JAKMIP3: variants seen among roughly 807,000 people sequenced by gnomAD.
The protein encoded by JAKMIP3 is Janus kinase and microtubule interacting protein 3.
Under a neutral mutation model 118.5 loss-of-function variants are expected in JAKMIP3, and 58 were observed. That is an observed-to-expected ratio of 0.49 (90% CI 0.40 to 0.61). JAKMIP3 has a LOEUF of 0.61. Ranked by LOEUF, JAKMIP3 falls within the 20% of genes least tolerant of loss-of-function variation. The pLI is 0.00. For missense variants in JAKMIP3, 950 were observed against 1,109.0 expected (o/e 0.86, Z 2.04); for synonymous variants, 486 against 451.2 (o/e 1.08, Z -0.98).
chr10:132,120,601 A>G (rs2048384735), intron 3 of JAKMIP3, among the ~76,000 whole-genome samples: 1 of 152,362 alleles, frequency 6.6e-6, no homozygotes, highest in Admixed American at 6.5e-5. Context: ...CCATATCACA[A>G]GAGGTGCCCT....
At chr10:132,087,934 A>G (rs907427507) in intron 1 of JAKMIP3, among the ~76,000 whole-genome samples, 5 of 151,462 alleles carry the variant, frequency 3.3e-5, no homozygotes, top group Non-Finnish European at 7.4e-5. Context: ...TTCAATTCCC[A>G]CCTATGAGTG....
At position 132,096,835 on chromosome 10, in the gene JAKMIP3, C is replaced by T. The variant is rs562737535; in HGVS notation, c.-137-7837C>T. Among the ~76,000 whole-genome samples, 3 of 152,310 alleles carry T rather than the reference C, an allele frequency of 2.0e-5. No homozygotes were observed. In the East Asian group the frequency reaches 5.8e-4, roughly 29 times the overall value. ...CCCAGGAATGACGCCATGGCAGGGT[C>T]CCTGGGTTTTCTTTTTGCCTGGGAT... On this transcript the variant is annotated intron_variant, in intron 1 of 23. Coordinates refer to ENST00000684848, the MANE Select transcript of JAKMIP3 (RefSeq NM_001323087.2).
intron 4 of JAKMIP3, 132 bp downstream of exon 4, chr10:132,133,659 C>T: frequency 1.3e-6 from 1 of 776,494 alleles, no homozygotes; most frequent in Non-Finnish European, 2.1e-6. Flanking sequence ...CCTGCCTGGG[C>T]ACCTCCCCAC....
At chr10:132,110,000 T>C (rs1346203355) in intron 2 of JAKMIP3, among the ~76,000 whole-genome samples, 1 of 152,204 alleles carries the variant, frequency 6.6e-6, no homozygotes, top group East Asian at 1.9e-4. Flanking sequence ...CAGGACAGGA[T>C]TCTGTAACTA....
At chr10:132,058,522 C>G (rs2038307370) in intron 1 of JAKMIP3, among the ~76,000 whole-genome samples, 1 of 152,234 alleles carries the variant, frequency 6.6e-6, no homozygotes, top group East Asian at 1.9e-4. Context: ...TGCTGCGGAG[C>G]AGAGAACCCT....
At chr10:132,107,712 T>C (rs2046132045) in intron 2 of JAKMIP3, among the ~76,000 whole-genome samples, 1 of 152,196 alleles carries the variant, frequency 6.6e-6, no homozygotes, top group South Asian at 2.1e-4. Context: ...CAGTTCCACG[T>C]GGAACAGTGC....
chr10:132,112,257 G>T lies in JAKMIP3; in HGVS notation c.136-4820G>T, dbSNP rs897454892. Among the ~76,000 whole-genome samples, 1 of 151,946 alleles carries T rather than the reference G, an allele frequency of 6.6e-6. No individual in the cohort carries two copies. Among genetic ancestry groups the T allele is most frequent in the South Asian group, 2.1e-4 (1 of 4,828 alleles). ...GGTGAGCACAGGTGCCTGCTGTCCC[G>T]CGGGGCACACGGGCCTCAGGTGTGG... On this transcript the variant is annotated intron_variant, in intron 2 of 23. Transcript: ENST00000684848. The surrounding 1 kb of genome is among the most constrained non-coding windows in gnomAD (Gnocchi z 4.3).
chr10:132,127,371 C>A (rs1027557246), intron 3 of JAKMIP3, among the ~76,000 whole-genome samples: 1 of 150,218 alleles, frequency 6.7e-6, no homozygotes, highest in Non-Finnish European at 1.5e-5. Flanking sequence ...TACAGGTGTG[C>A]GCCACCATGC....
intron 1 of JAKMIP3, among the ~76,000 whole-genome samples, chr10:132,091,182 G>T (rs1419722003): frequency 6.6e-6 from 1 of 152,186 alleles, no homozygotes; most frequent in Non-Finnish European, 1.5e-5. Flanking sequence ...ATTTGCTGAG[G>T]AGTGCTTTAC....
chr10:132,082,103 C>T (rs1003265144), intron 1 of JAKMIP3, among the ~76,000 whole-genome samples: 2 of 150,634 alleles, frequency 1.3e-5, no homozygotes, highest in Admixed American at 6.6e-5. Context: ...TATTATTTTG[C>T]TTCCCATTGA....
In JAKMIP3 at chr10:132,104,774, ACCCCTGGGCATC is replaced by A; in HGVS notation, c.-27_-16del. On this transcript the variant is annotated 5_prime_UTR_variant, in exon 2 of 24. Transcript: ENST00000684848. ...CAGCCCAGCCCAGCCGGAGCACCCT[ACCCCTGGGCATC>A]CCCCTGGCCATCCAGCCTCACCATG... 6.5e-7 allele frequency: 1 copy of A among 1,544,074 alleles called. No individual in the cohort carries two copies.
Position 132,163,336 on chromosome 10 carries a change from A to G in JAKMIP3, c.2348A>G (p.Gln783Arg). ...LKVAVEQWKR[Q>R]VMSELRERDA... ...GTGGCCGTGGAGCAGTGGAAGCGCC[A>G]GGTCATGAGTGAGCTGCGCGAGCGG... is the stretch of plus-strand genomic sequence containing the variant. The change falls in exon 20 of 24, where the codon CAG (glutamine) becomes CGG (arginine). Residue 783 changes from glutamine (Q) to arginine (R), a missense_variant. Physicochemically the swap from Gln to Arg is conservative, Grantham distance 43. Coordinates refer to ENST00000684848, the MANE Select transcript of JAKMIP3 (RefSeq NM_001323087.2). 1.2e-6 allele frequency: 2 copies of G among 1,609,944 alleles called. No individual in the cohort carries two copies. The highest frequency in any genetic ancestry group is 8.5e-7 in the Non-Finnish European group (1 of 1,179,460).
In JAKMIP3 at chr10:132,180,760, C is replaced by CGTGTGTGCGTGCGT. The variant is rs2061255860; in HGVS notation, c.*1104-1590_*1104-1589insCGTGCGTGTGTGTG. Among the ~76,000 whole-genome samples, 93 of 14,732 alleles carry CGTGTGTGCGTGCGT rather than the reference C, an allele frequency of 6.3e-3. 21 individuals are homozygous for CGTGTGTGCGTGCGT. The highest frequency in any genetic ancestry group is 0.038 in the African/African-American group (91 of 2,404). The allele number at this position is 14,732 out of a possible 152,430, so 9.7% of individuals were successfully genotyped here. Reference sequence around the variant, plus strand: ...GTGCGTGCGTGCGCGCGCGTGTGTGCGTGTGTGTGCGTGTGTGTGTGTGCG... The same window carrying CGTGTGTGCGTGCGT: ...GTGCGTGCGTGCGCGCGCGTGTGTGCGTGTGTGCGTGCGTGTGTGTGTGCGTGTGTGTGTGTGCG... On this transcript the variant is annotated intron_variant, in intron 23 of 23. Coordinates refer to ENST00000684848, the MANE Select transcript of JAKMIP3 (RefSeq NM_001323087.2).
intron 2 of JAKMIP3, among the ~76,000 whole-genome samples, chr10:132,107,373 G>GGGCTCCCCAGGTGCC (rs1269655321): frequency 5.9e-5 from 9 of 152,196 alleles, no homozygotes; most frequent in African/African-American, 1.9e-4. Flanking sequence ...CCAGGCTTGC[G>GGGCTCCCCAGGTGCC]GGCTCCCCAG....
chr10:132,157,224 C>T lies in JAKMIP3; in HGVS notation c.2220+3234C>T, dbSNP rs149773640. Among the ~76,000 whole-genome samples the T allele has an allele frequency of 2.1e-3, 315 of 152,226 alleles. 1 individual carries two copies. Among genetic ancestry groups the T allele is most frequent in the African/African-American group, 5.1e-3 (212 of 41,540 alleles). ...GGTTCTCTTCTCCTTCTCTGAAGTG[C>T]GGGGTGTAACCACATGTGTGCGCAC... On this transcript the variant is annotated intron_variant, in intron 19 of 23. Coordinates refer to ENST00000684848, the MANE Select transcript of JAKMIP3 (RefSeq NM_001323087.2).
chr10:132,073,704 C>T (rs535629056), intron 1 of JAKMIP3, among the ~76,000 whole-genome samples: 2 of 152,146 alleles, frequency 1.3e-5, no homozygotes, highest in South Asian at 2.1e-4. Flanking sequence ...TACCCCATTG[C>T]CCAGGCTGGT....
intron 1 of JAKMIP3, among the ~76,000 whole-genome samples, chr10:132,047,920 G>A (rs1433084213): frequency 6.6e-6 from 1 of 152,306 alleles, no homozygotes; most frequent in Middle Eastern, 3.4e-3. Flanking sequence ...TGGGGTGCGC[G>A]GAGCTGTGTG....
At chr10:132,045,976 G>A (rs886359415) in intron 1 of JAKMIP3, among the ~76,000 whole-genome samples, 9 of 151,128 alleles carry the variant, frequency 6.0e-5, no homozygotes, top group Admixed American at 4.0e-4. Context: ...TTCAGTTTAA[G>A]GTAAAATTTA....
intron 1 of JAKMIP3, among the ~76,000 whole-genome samples, chr10:132,056,050 A>T (rs185118476): frequency 6.6e-5 from 10 of 152,242 alleles, no homozygotes; most frequent in Admixed American, 2.0e-4. Flanking sequence ...GCCCTTGCCC[A>T]TCCATTTCCA....
Sources: allele counts gnomAD v4.1 joint callset (sites outside exome capture counted in the v4.1 genomes callset), GRCh38; gene constraint gnomAD v4.1.1; non-coding constraint Gnocchi (gnomAD v3.1); transcripts MANE v1.5; gene names NCBI Gene and HGNC (gene_info 2026-07-23, HGNC 2026-07-21).